The following CNTNAP2 variants were observed in gnomAD, a reference collection of about 807,000 sequenced individuals.
The protein encoded by CNTNAP2 is contactin-associated protein-like 2.
Under a neutral mutation model 155.2 loss-of-function variants are expected in CNTNAP2, and 98 were observed. The ratio of observed to expected loss-of-function variants is 0.63; its 90% CI spans 0.54 to 0.75. CNTNAP2 has a LOEUF of 0.75. Ranked by LOEUF, CNTNAP2 falls within the 30% of genes least tolerant of loss-of-function variation. CNTNAP2 has a pLI of 0.00. For synonymous variants in CNTNAP2, 651 were observed against 631.2 expected (o/e 1.03, Z -0.47); for missense variants, 1,727 against 1,688.1 (o/e 1.02, Z -0.40).
intron 1 of CNTNAP2, among the ~76,000 whole-genome samples, chr7:146,431,974 G>T (rs745900894): frequency 1.3e-5 from 2 of 152,064 alleles, no homozygotes; most frequent in Non-Finnish European, 2.9e-5. Context: ...AAACATAAAT[G>T]CTCAATCATT....
At chr7:146,996,684 T>G (rs1798313407) in intron 3 of CNTNAP2, among the ~76,000 whole-genome samples, 1 of 152,116 alleles carries the variant, frequency 6.6e-6, no homozygotes. Flanking sequence ...TTTTTTCCAA[T>G]TTGAATTCCT....
chr7:147,231,696 C>T (rs912030108), intron 8 of CNTNAP2, among the ~76,000 whole-genome samples: 2 of 152,136 alleles, frequency 1.3e-5, no homozygotes, highest in African/African-American at 4.8e-5. Context: ...TGCTGAGCAT[C>T]TCTTCATATA....
chr7:146,870,154 G>T (rs533089835), intron 3 of CNTNAP2, among the ~76,000 whole-genome samples: 1 of 151,676 alleles, frequency 6.6e-6, no homozygotes, highest in African/African-American at 2.4e-5. Flanking sequence ...CTGTGGAATG[G>T]TACCGGCTCT....
At chr7:146,349,982 G>A (rs1387981154) in intron 1 of CNTNAP2, among the ~76,000 whole-genome samples, 4 of 151,998 alleles carry the variant, frequency 2.6e-5, no homozygotes, top group South Asian at 4.2e-4. Flanking sequence ...TCTCTGTGGC[G>A]TTCTTTGTAT....
intron 8 of CNTNAP2, among the ~76,000 whole-genome samples, chr7:147,160,835 T>C (rs1233185333): frequency 6.6e-6 from 1 of 152,098 alleles, no homozygotes; most frequent in Non-Finnish European, 1.5e-5. Context: ...ACAGAGATAA[T>C]TTCATACTCA....
intron 9 of CNTNAP2, among the ~76,000 whole-genome samples, chr7:147,327,072 A>G (rs1400179472): frequency 6.6e-6 from 1 of 152,228 alleles, no homozygotes; most frequent in Non-Finnish European, 1.5e-5. Flanking sequence ...TGGTCAGGCA[A>G]GCTGAGGAAA....
At chr7:147,305,740 C>T (rs1295659491) in intron 9 of CNTNAP2, among the ~76,000 whole-genome samples, 1 of 151,996 alleles carries the variant, frequency 6.6e-6, no homozygotes, top group Non-Finnish European at 1.5e-5. Context: ...CTAGGGATGC[C>T]GTATCAAAGT....
At chr7:146,784,912 T>G (rs1203193083) in intron 2 of CNTNAP2, among the ~76,000 whole-genome samples, 1 of 152,042 alleles carries the variant, frequency 6.6e-6, no homozygotes, top group African/African-American at 2.4e-5. Context: ...TCTAAACCAT[T>G]CAAGAATATA....
chr7:147,474,807 A>G (rs1312371356), intron 10 of CNTNAP2, among the ~76,000 whole-genome samples: 1 of 152,130 alleles, frequency 6.6e-6, no homozygotes, highest in Admixed American at 6.6e-5. Flanking sequence ...TCAATCAAGG[A>G]GAAGTTTAGG....
In CNTNAP2 at chr7:147,942,771, C is replaced by A. The variant is rs2116817435; in HGVS notation, c.2256-35091C>A. Among the ~76,000 whole-genome samples the A allele has an allele frequency of 2.0e-5, 3 of 152,334 alleles. No individual in the cohort carries two copies. The South Asian group carries it at 6.2e-4, about 32-fold the overall frequency. ...GTGTCTTACTGGCCAGGCGCAGTGG[C>A]TCACGCCCGTAATCCCAGCACTTTG... On this transcript the variant is annotated intron_variant, in intron 14 of 23. Coordinates refer to ENST00000361727, the MANE Select transcript of CNTNAP2 (RefSeq NM_014141.6).
chr7:147,740,730 C>A (rs1302890434), intron 13 of CNTNAP2, among the ~76,000 whole-genome samples: 1 of 152,130 alleles, frequency 6.6e-6, no homozygotes, highest in African/African-American at 2.4e-5. Context: ...AATAAGGAAA[C>A]CATACTTCTT....
At chr7:146,417,381 A>T (rs1455251462) in intron 1 of CNTNAP2, among the ~76,000 whole-genome samples, 1 of 152,144 alleles carries the variant, frequency 6.6e-6, no homozygotes, top group East Asian at 1.9e-4. Flanking sequence ...TTGTAAACTA[A>T]ATTTATGTCA....
At position 147,947,335 on chromosome 7, in the gene CNTNAP2, G is replaced by A. The variant is rs555007392; in HGVS notation, c.2256-30527G>A. Among the ~76,000 whole-genome samples, 63 of 151,448 alleles carry A rather than the reference G, an allele frequency of 4.2e-4. 1 individual carries two copies. Among genetic ancestry groups the A allele is most frequent in the Admixed American group, 2.3e-3 (35 of 15,164 alleles). On this transcript the variant is annotated intron_variant, in intron 14 of 23. Transcript: ENST00000361727. ...TTTCCTAGTCAGATAAGGAAATTCC[G>A]GTTCTGGTACAGTGGCTCACACCTG... is the stretch of plus-strand genomic sequence containing the variant.
intron 3 of CNTNAP2, among the ~76,000 whole-genome samples, chr7:146,905,583 G>C (rs935470598): frequency 2.0e-5 from 3 of 152,116 alleles, no homozygotes; most frequent in Non-Finnish European, 4.4e-5. Context: ...ACAGAGACTA[G>C]CTTTCCCCAA....
chr7:147,172,237 T>C (rs1361449827), intron 8 of CNTNAP2, among the ~76,000 whole-genome samples: 2 of 152,184 alleles, frequency 1.3e-5, no homozygotes, highest in African/African-American at 2.4e-5. Context: ...TCCTTGACAT[T>C]TATAGCATCC....
intron 1 of CNTNAP2, among the ~76,000 whole-genome samples, chr7:146,543,175 T>C (rs1050765951): frequency 6.6e-6 from 1 of 151,794 alleles, no homozygotes; most frequent in Non-Finnish European, 1.5e-5. Flanking sequence ...CTTAATAAAT[T>C]TTTTTTATTT....
At chr7:146,288,032 G>A (rs1162807990) in intron 1 of CNTNAP2, among the ~76,000 whole-genome samples, 1 of 151,978 alleles carries the variant, frequency 6.6e-6, no homozygotes, top group Non-Finnish European at 1.5e-5. Flanking sequence ...TTTGTGTTTT[G>A]GGCCAGGAGC....
At chr7:147,464,349 C>T (rs1443158763) in intron 10 of CNTNAP2, among the ~76,000 whole-genome samples, 1 of 151,884 alleles carries the variant, frequency 6.6e-6, no homozygotes, top group Non-Finnish European at 1.5e-5. Context: ...TGCCTGTATT[C>T]CCAGCTACAC....
intron 21 of CNTNAP2, among the ~76,000 whole-genome samples, chr7:148,283,577 T>G (rs1218274034): frequency 1.3e-5 from 2 of 152,194 alleles, no homozygotes; most frequent in Non-Finnish European, 2.9e-5. Context: ...TCAAACAAGG[T>G]GATGCCCTTG....
Sources: gnomAD v4.1 joint callset for allele counts (sites outside exome capture counted in the v4.1 genomes callset) on GRCh38, gnomAD v4.1.1 for gene constraint, MANE v1.5 for transcripts, NCBI Gene and HGNC (gene_info 2026-07-23, HGNC 2026-07-21) for gene names.